CSMD1: variants seen among roughly 807,000 people sequenced by gnomAD.
CSMD1 encodes CUB and Sushi multiple domains 1.
Under a neutral mutation model 417.5 loss-of-function variants are expected in CSMD1, and 213 were observed. The observed-to-expected ratio is 0.51, with a 90% CI of 0.46 to 0.57. The LOEUF is 0.57. CSMD1 is among the 20% of genes least tolerant of loss of function. The probability of loss-of-function intolerance (pLI) is 0.00; values close to 1 mark genes in which losing one functional copy is unlikely to be tolerated. For missense variants in CSMD1, 6,923 were observed against 4,529.7 expected (o/e 1.53, Z -15.17); for synonymous variants, 2,862 against 1,736.8 (o/e 1.65, Z -16.11).
chr8:3,626,539 A>G (rs1209697826), intron 7 of CSMD1, among the ~76,000 whole-genome samples: 1 of 151,888 alleles, frequency 6.6e-6, no homozygotes, highest in African/African-American at 2.4e-5. Flanking sequence ...ATATTTATGT[A>G]AAATATAATA....
At chr8:4,085,664 T>A (rs1189069792) in intron 3 of CSMD1, among the ~76,000 whole-genome samples, 3 of 152,208 alleles carry the variant, frequency 2.0e-5, no homozygotes, top group East Asian at 1.9e-4. Context: ...TTTTGCATAC[T>A]GTGTGATTCC....
intron 1 of CSMD1, among the ~76,000 whole-genome samples, chr8:4,783,948 A>G (rs1563374160): frequency 2.0e-5 from 3 of 152,218 alleles, no homozygotes; most frequent in Admixed American, 2.0e-4. Context: ...GAGTTAAAAG[A>G]GCTTAAAAGT....
At chr8:4,043,380 G>A (rs1585193773) in intron 3 of CSMD1, among the ~76,000 whole-genome samples, 1 of 152,274 alleles carries the variant, frequency 6.6e-6, no homozygotes, top group East Asian at 1.9e-4. Flanking sequence ...ATTAAATACA[G>A]CCACACCAAT....
At chr8:4,120,823 C>G (rs1189608798) in intron 3 of CSMD1, among the ~76,000 whole-genome samples, 1 of 152,144 alleles carries the variant, frequency 6.6e-6, no homozygotes, top group African/African-American at 2.4e-5. Flanking sequence ...CCAGAAATCA[C>G]AAAACAAAGG....
chr8:3,324,611 C>G (rs528076348), intron 23 of CSMD1, among the ~76,000 whole-genome samples: 1 of 151,400 alleles, frequency 6.6e-6, no homozygotes, highest in East Asian at 1.9e-4. Flanking sequence ...TCCTTCCCCC[C>G]ACCTTTCATC....
At chr8:3,178,332 G>C (rs17391019) in intron 37 of CSMD1, among the ~76,000 whole-genome samples, 1 of 151,800 alleles carries the variant, frequency 6.6e-6, no homozygotes, top group Non-Finnish European at 1.5e-5. Flanking sequence ...ATGTAGATAA[G>C]CCTTAATGGC....
At chr8:4,432,033 G>A (rs1015788995) in intron 2 of CSMD1, among the ~76,000 whole-genome samples, 1 of 152,026 alleles carries the variant, frequency 6.6e-6, no homozygotes, top group Non-Finnish European at 1.5e-5. Context: ...GCAAAAATGT[G>A]TAAGGAGATT....
At chr8:4,733,600 A>G (rs1810039002) in intron 1 of CSMD1, among the ~76,000 whole-genome samples, 1 of 152,344 alleles carries the variant, frequency 6.6e-6, no homozygotes, top group South Asian at 2.1e-4. Flanking sequence ...ACATGTTTCA[A>G]CAAAGGCCTG....
At chr8:3,746,846 C>A (rs576863056) in intron 6 of CSMD1, among the ~76,000 whole-genome samples, 1 of 152,096 alleles carries the variant, frequency 6.6e-6, no homozygotes, top group East Asian at 1.9e-4. Flanking sequence ...TGATGAAGGT[C>A]AATAGGGTGG....
chr8:4,953,028 TGA>T (rs759280826), intron 1 of CSMD1, among the ~76,000 whole-genome samples: 7 of 151,638 alleles, frequency 4.6e-5, no homozygotes, highest in Non-Finnish European at 7.4e-5. Flanking sequence ...ACATGTGAGA[TGA>T]GAGTGACCAT....
At chr8:3,560,315 T>C (rs890459643) in intron 10 of CSMD1, among the ~76,000 whole-genome samples, 6 of 152,146 alleles carry the variant, frequency 3.9e-5, no homozygotes. Flanking sequence ...AACACAGAAA[T>C]GATACCATTA....
At chr8:4,489,780 T>C (rs1010003405) in intron 2 of CSMD1, among the ~76,000 whole-genome samples, 34 of 152,160 alleles carry the variant, frequency 2.2e-4, no homozygotes, top group Non-Finnish European at 5.9e-5. Flanking sequence ...GAAAAGCAGA[T>C]CCTTCTTTAG....
intron 15 of CSMD1, among the ~76,000 whole-genome samples, chr8:3,402,891 A>G (rs536569719): frequency 6.6e-6 from 1 of 152,146 alleles, no homozygotes; most frequent in African/African-American, 2.4e-5. Context: ...ATTTTGTTCT[A>G]CGTTAGAGGA....
At chr8:4,456,445 G>A (rs910909263) in intron 2 of CSMD1, among the ~76,000 whole-genome samples, 3 of 152,108 alleles carry the variant, frequency 2.0e-5, no homozygotes, top group East Asian at 3.9e-4. Flanking sequence ...TTGCTGTTAA[G>A]AGTATTCTTA....
chr8:4,992,862 CTGTT>C (rs1201248076), intron 1 of CSMD1, among the ~76,000 whole-genome samples: 2 of 152,188 alleles, frequency 1.3e-5, no homozygotes, highest in East Asian at 1.9e-4. Context: ...CTAAGACCCA[CTGTT>C]TGCGATCCCC....
chr8:3,427,514 G>C (rs1220189298), intron 12 of CSMD1, among the ~76,000 whole-genome samples: 2 of 151,944 alleles, frequency 1.3e-5, no homozygotes, highest in Non-Finnish European at 2.9e-5. Flanking sequence ...TATTTAATAA[G>C]GATGAAGTAA....
intron 3 of CSMD1, among the ~76,000 whole-genome samples, chr8:4,316,884 T>G (rs1172223681): frequency 6.6e-6 from 1 of 152,080 alleles, no homozygotes; most frequent in Non-Finnish European, 1.5e-5. Context: ...ACTCCAAATC[T>G]TGGGGTGGGG....
intron 6 of CSMD1, among the ~76,000 whole-genome samples, chr8:3,743,163 C>T (rs538538354): frequency 6.6e-6 from 1 of 152,142 alleles, no homozygotes; most frequent in Non-Finnish European, 1.5e-5. Context: ...CAAAAGCCAG[C>T]ATCTCTCTAC....
At chr8:4,157,018 G>C (rs1194235623) in intron 3 of CSMD1, among the ~76,000 whole-genome samples, 2 of 152,126 alleles carry the variant, frequency 1.3e-5, no homozygotes, top group African/African-American at 4.8e-5. Flanking sequence ...TGGTGGCCAG[G>C]CATTGAGGGG....
Sources: gnomAD v4.1 joint callset for allele counts (sites outside exome capture counted in the v4.1 genomes callset) on GRCh38, gnomAD v4.1.1 for gene constraint, MANE v1.5 for transcripts, NCBI Gene and HGNC (gene_info 2026-07-23, HGNC 2026-07-21) for gene names.